PLCG2: variants seen among roughly 807,000 people sequenced by gnomAD.
PLCG2 encodes the protein phospholipase C gamma 2, also known as 1-phosphatidylinositol 4,5-bisphosphate phosphodiesterase gamma-2.
In PLCG2, 69 loss-of-function variants were observed where a neutral mutation model predicts 175.6. The ratio of observed to expected loss-of-function variants is 0.39; its 90% confidence interval spans 0.32 to 0.48. The LOEUF is 0.48. Among genes scored for constraint, PLCG2 ranks in the 20% least tolerant of loss-of-function variants. The probability of loss-of-function intolerance (pLI) is 0.91; values close to 1 mark genes in which losing one functional copy is unlikely to be tolerated. For missense variants in PLCG2, 1,798 were observed against 1,650.9 expected, an observed-to-expected ratio of 1.09 and a Z score of -1.54; for synonymous variants, 827 against 624.0, an observed-to-expected ratio of 1.33 and a Z score of -4.85.
intron 2 of PLCG2, among the ~76,000 whole-genome samples, chr16:81,773,753 C>G (rs953010525): frequency 6.6e-6 from 1 of 152,142 alleles, no homozygotes; most frequent in South Asian, 2.1e-4. Context: ...ACTCACTCCT[C>G]CACAGCAGCC....
rs1910956931 is a variant in PLCG2 at position 81,786,082 on chromosome 16, C to T, written c.93C>T (p.Phe31=). The T allele has an allele frequency of 6.2e-7, 1 of 1,614,214 alleles. No homozygotes were observed. Among genetic ancestry groups the T allele is most frequent in the Non-Finnish European group, 8.5e-7 (1 of 1,180,030 alleles). Residue 31 remains phenylalanine (F), a synonymous_variant, in exon 2 of 33, where the codon TTC becomes TTT. Transcript: ENST00000564138. ...ALELGTVMTV[F]SFRKSTPERR... Reference sequence around the variant, plus strand: ...AGCTGGGGACGGTGATGACTGTGTTCAGCTTCCGCAAGTCCACCCCCGAGC... The same window carrying T: ...AGCTGGGGACGGTGATGACTGTGTTTAGCTTCCGCAAGTCCACCCCCGAGC...
At chr16:81,801,183 C>T (rs1911702578) in intron 2 of PLCG2, among the ~76,000 whole-genome samples, 1 of 152,300 alleles carries the variant, frequency 6.6e-6, no homozygotes, top group Non-Finnish European at 1.5e-5. Context: ...AAATAACCCC[C>T]AACCCCGCAA....
chr16:81,842,558 G>A (rs756347235), intron 2 of PLCG2, among the ~76,000 whole-genome samples: 1 of 152,130 alleles, frequency 6.6e-6, no homozygotes, highest in Admixed American at 6.5e-5. Context: ...CTGTTTGCTC[G>A]CTTGAATATG....
intron 1 of PLCG2, among the ~76,000 whole-genome samples, chr16:81,743,449 C>A (rs1479090288): frequency 6.6e-6 from 1 of 152,230 alleles, no homozygotes; most frequent in African/African-American, 2.4e-5. Flanking sequence ...GCAAAGAGCC[C>A]AGGTAGAGCG....
intron 32 of PLCG2, among the ~76,000 whole-genome samples, chr16:81,957,338 C>T (rs1911616087): frequency 1.3e-5 from 2 of 152,090 alleles, no homozygotes; most frequent in Admixed American, 1.3e-4. Context: ...CCTTTGGCAC[C>T]CTTGACTCTA....
chr16:81,956,795 G>T lies in PLCG2; in HGVS notation c.3671G>T (p.Arg1224Leu). The T allele has an allele frequency of 6.2e-7, 1 of 1,614,158 alleles. No individual in the cohort carries two copies. The highest frequency in any genetic ancestry group is 1.1e-5 in the South Asian group (1 of 91,068). ...CTGTATGACACACACCAGAACTTGC[G>T]CAATGCCAACCGGGATGCCCTGGTT... is the stretch of plus-strand genomic sequence containing the variant. ...LFLYDTHQNL[R>L]NANRDALVKE... The change falls in exon 32 of 33, where the codon CGC (arginine) becomes CTC (leucine). Residue 1224 changes from arginine to leucine, a missense_variant. Physicochemically the swap from Arg to Leu is moderately radical, Grantham distance 102. Transcript: ENST00000564138.
At chr16:81,951,848 A>T (rs1367886758) in intron 31 of PLCG2, among the ~76,000 whole-genome samples, 1 of 152,248 alleles carries the variant, frequency 6.6e-6, no homozygotes, top group Non-Finnish European at 1.5e-5. Flanking sequence ...AAATGAAATA[A>T]TCAGTATAAT....
intron 12 of PLCG2, 50 bp from the exon 13 acceptor site, chr16:81,895,757 G>C (rs755992395): frequency 3.1e-6 from 5 of 1,607,856 alleles, no homozygotes; most frequent in Non-Finnish European, 4.3e-6. Context: ...TGACCTCGGG[G>C]CTGTCAGTGA....
At chr16:81,797,214 C>T (rs1047256031) in intron 2 of PLCG2, among the ~76,000 whole-genome samples, 8 of 151,792 alleles carry the variant, frequency 5.3e-5, no homozygotes, top group African/African-American at 1.5e-4. Flanking sequence ...GCAGGTCCAA[C>T]GTCTTAGGGA....
chr16:81,899,837 T>A (rs1429023058), intron 13 of PLCG2, among the ~76,000 whole-genome samples: 1 of 152,198 alleles, frequency 6.6e-6, no homozygotes, highest in African/African-American at 2.4e-5. Flanking sequence ...AAATCAGGTG[T>A]CTTTAAACAG....
At chr16:81,922,036 T>C (rs574909647) in intron 21 of PLCG2, among the ~76,000 whole-genome samples, 1 of 152,298 alleles carries the variant, frequency 6.6e-6, no homozygotes, top group East Asian at 1.9e-4. Flanking sequence ...AACAGTCACC[T>C]CTCTAACTGA....
intron 9 of PLCG2, chr16:81,883,566 C>T (rs939853967): frequency 2.9e-5 from 17 of 582,418 alleles, no homozygotes; most frequent in Admixed American, 5.9e-5. Flanking sequence ...AGCCTCATGT[C>T]GGGCCTCTTT....
chr16:81,853,064 C>G (rs547449691), intron 2 of PLCG2, among the ~76,000 whole-genome samples: 1 of 152,322 alleles, frequency 6.6e-6, no homozygotes, highest in East Asian at 1.9e-4. Context: ...GGCCCGCTGG[C>G]TCACGCCTGT....
intron 19 of PLCG2, among the ~76,000 whole-genome samples, chr16:81,914,643 G>C (rs1909764708): frequency 6.6e-6 from 1 of 152,206 alleles, no homozygotes; most frequent in Non-Finnish European, 1.5e-5. Context: ...CTGGGCTCCA[G>C]AGATGCAGGA....
chr16:81,939,142 G>A lies in PLCG2; in HGVS notation c.3313+227G>A, dbSNP rs568263204. ...GTTTGCCTGCCTGTAACTCAAGTCC[G>A]GAATCGTAGGTGAGGCCCTGACACT... is the stretch of plus-strand genomic sequence containing the variant. On this transcript the variant is annotated intron_variant, in intron 29 of 32. Transcript: ENST00000564138. Among the ~76,000 whole-genome samples, 10 of 152,208 alleles carry A rather than the reference G, an allele frequency of 6.6e-5. No individual in the cohort carries two copies. In the South Asian group the frequency reaches 1.2e-3, roughly 19 times the overall value.
intron 3 of PLCG2, among the ~76,000 whole-genome samples, chr16:81,856,993 A>G (rs1162742524): frequency 6.6e-6 from 1 of 152,232 alleles, no homozygotes; most frequent in African/African-American, 2.4e-5. Flanking sequence ...ATTCTTCCCC[A>G]GAGCTTTCAG....
At chr16:81,946,103 T>G (rs1911138386) in intron 30 of PLCG2, 72 bp from the exon 31 acceptor site, 1 of 1,130,834 alleles carries the variant, frequency 8.8e-7, no homozygotes, top group Non-Finnish European at 1.4e-6. Flanking sequence ...GATCCCGAGG[T>G]AGCCTCCAAA....
intron 2 of PLCG2, among the ~76,000 whole-genome samples, chr16:81,800,882 C>T (rs544064683): frequency 5.0e-4 from 76 of 152,122 alleles, no homozygotes; most frequent in Non-Finnish European, 8.2e-4. Context: ...AAGGTCCTTG[C>T]AGGAGGGAGG....
chr16:81,947,222 C>T (rs1244878313), intron 31 of PLCG2, among the ~76,000 whole-genome samples: 2 of 152,018 alleles, frequency 1.3e-5, no homozygotes, highest in African/African-American at 4.8e-5. Flanking sequence ...ATTTGACTTC[C>T]TTGATGAGGG....
Sources: gnomAD v4.1 joint callset for allele counts (sites outside exome capture counted in the v4.1 genomes callset) on GRCh38, gnomAD v4.1.1 for gene constraint, MANE v1.5 for transcripts, NCBI Gene and HGNC (gene_info 2026-07-23, HGNC 2026-07-21) for gene names.